The following LYPLAL1 variants were observed in gnomAD, a reference collection of about 807,000 sequenced individuals.
LYPLAL1 encodes lysophospholipase-like protein 1.
Under a neutral mutation model 19.7 loss-of-function variants are expected in LYPLAL1, and 23 were observed. The observed-to-expected ratio is 1.17, with a 90% CI of 0.84 to 1.65. LYPLAL1 has a LOEUF of 1.65. Among genes scored for constraint, LYPLAL1 ranks in the 40% most tolerant of loss-of-function variants. The pLI is 0.00. For synonymous variants in LYPLAL1, 119 were observed against 96.3 expected, an observed-to-expected ratio of 1.24 and a Z score of -1.38; for missense variants, 355 against 279.4, an observed-to-expected ratio of 1.27 and a Z score of -1.93.
At chr1:219,381,858 G>GA in the LYPLAL1 span, among the ~76,000 whole-genome samples, 6 of 152,286 alleles carry the variant, frequency 3.9e-5, no homozygotes, top group African/African-American at 1.4e-4. Flanking sequence ...CAGTTCATCA[G>GA]GGAAAAGACA....
At chr1:219,196,969 C>T (rs1207472934) in intron 3 of LYPLAL1, among the ~76,000 whole-genome samples, 4 of 151,928 alleles carry the variant, frequency 2.6e-5, no homozygotes, top group Non-Finnish European at 4.4e-5. Context: ...AACCACTGCT[C>T]AAGGAAATAA....
the LYPLAL1 span, among the ~76,000 whole-genome samples, chr1:219,282,550 G>T: frequency 0.017 from 2,526 of 146,460 alleles, 83 homozygotes; most frequent in African/African-American, 0.06. Context: ...GTAAAATATA[G>T]AATACTTGAA....
At chr1:219,415,068 T>G in the LYPLAL1 span, among the ~76,000 whole-genome samples, 2 of 152,066 alleles carry the variant, frequency 1.3e-5, no homozygotes, top group African/African-American at 4.8e-5. Context: ...AAACAGGACA[T>G]ATAAATAGAA....
chr1:219,215,323 T>C (rs968483729), downstream of LYPLAL1, among the ~76,000 whole-genome samples: 14 of 152,122 alleles, frequency 9.2e-5, no homozygotes. Context: ...GACAATAAAT[T>C]TTCTGTCATT....
chr1:219,281,961 C>G, the LYPLAL1 span, among the ~76,000 whole-genome samples: 1 of 152,168 alleles, frequency 6.6e-6, no homozygotes, highest in African/African-American at 2.4e-5. Flanking sequence ...TAGCCACTCT[C>G]TCTTACATGC....
the LYPLAL1 span, among the ~76,000 whole-genome samples, chr1:219,348,552 A>G: frequency 6.6e-6 from 1 of 152,016 alleles, no homozygotes; most frequent in Non-Finnish European, 1.5e-5. Context: ...TATCTCCTAA[A>G]TTCTCCATTT....
the LYPLAL1 span, among the ~76,000 whole-genome samples, chr1:219,289,263 A>C: frequency 1.3e-5 from 2 of 151,876 alleles, no homozygotes; most frequent in Admixed American, 1.3e-4. Flanking sequence ...TAGTCTGTCC[A>C]CCTCCCAATC....
the LYPLAL1 span, among the ~76,000 whole-genome samples, chr1:219,345,269 C>T: frequency 6.6e-6 from 1 of 152,228 alleles, no homozygotes; most frequent in South Asian, 2.1e-4. Context: ...TTGTATTTTT[C>T]TCCACAGTAA....
chr1:219,270,862 C>T, the LYPLAL1 span: 1 of 152,182 alleles, frequency 6.6e-6, no homozygotes, highest in Admixed American at 6.5e-5. Flanking sequence ...TCTCCTGTAT[C>T]ACTATGACAG....
At chr1:219,220,424 G>C in the LYPLAL1 span, among the ~76,000 whole-genome samples, 1 of 150,632 alleles carries the variant, frequency 6.6e-6, no homozygotes, top group Non-Finnish European at 1.5e-5. Flanking sequence ...TCTACCATTA[G>C]GGAAAAGAAG....
the LYPLAL1 span, among the ~76,000 whole-genome samples, chr1:219,331,752 T>C: frequency 6.6e-6 from 1 of 152,060 alleles, no homozygotes; most frequent in African/African-American, 2.4e-5. Context: ...AAATGTCAAG[T>C]AGGGTGAAAA....
the LYPLAL1 span, among the ~76,000 whole-genome samples, chr1:219,366,808 A>C: frequency 6.6e-6 from 1 of 151,876 alleles, no homozygotes; most frequent in South Asian, 2.1e-4. Flanking sequence ...CCAATTATAC[A>C]CTCTAGTCCA....
chr1:219,326,936 A>C, the LYPLAL1 span, among the ~76,000 whole-genome samples: 1 of 152,184 alleles, frequency 6.6e-6, no homozygotes, highest in African/African-American at 2.4e-5. Context: ...AAGAAAGCAC[A>C]GTAAACAACA....
chr1:219,189,833 A>G (rs1657003606), intron 2 of LYPLAL1, among the ~76,000 whole-genome samples: 1 of 151,674 alleles, frequency 6.6e-6, no homozygotes, highest in South Asian at 2.1e-4. Context: ...TAATTATTTG[A>G]AAATAGTTTC....
the LYPLAL1 span, among the ~76,000 whole-genome samples, chr1:219,345,652 G>C: frequency 6.6e-6 from 1 of 152,134 alleles, no homozygotes; most frequent in African/African-American, 2.4e-5. Flanking sequence ...AGGAGATCTG[G>C]GGTGGGTGAG....
the LYPLAL1 span, among the ~76,000 whole-genome samples, chr1:219,238,174 A>T: frequency 7.7e-6 from 1 of 130,502 alleles, no homozygotes; most frequent in Non-Finnish European, 1.5e-5. Flanking sequence ...CCTAGGCTGG[A>T]TCGCCCCGGC....
chr1:219,266,303 A>G, the LYPLAL1 span, among the ~76,000 whole-genome samples: 3 of 152,216 alleles, frequency 2.0e-5, no homozygotes, highest in South Asian at 4.1e-4. Flanking sequence ...CTCTTTTGTT[A>G]AAAACAAAGA....
At chr1:219,418,001 T>G in the LYPLAL1 span, among the ~76,000 whole-genome samples, 1 of 152,242 alleles carries the variant, frequency 6.6e-6, no homozygotes, top group Non-Finnish European at 1.5e-5. Context: ...CCCAGGATAC[T>G]TAATAGGTTT....
At chr1:219,295,636 C>T in the LYPLAL1 span, among the ~76,000 whole-genome samples, 1 of 152,132 alleles carries the variant, frequency 6.6e-6, no homozygotes, top group African/African-American at 2.4e-5. Flanking sequence ...TTCAACTTCT[C>T]TTCACTGCTT....
Sources: allele counts gnomAD v4.1 joint callset (sites outside exome capture counted in the v4.1 genomes callset), GRCh38; gene constraint gnomAD v4.1.1; transcripts MANE v1.5; gene names NCBI Gene and HGNC (gene_info 2026-07-23, HGNC 2026-07-21).